The following TMCC2 variants were observed in gnomAD, a reference collection of about 807,000 sequenced individuals.
The protein encoded by TMCC2 is transmembrane and coiled-coil domains protein 2.
In TMCC2, 16 loss-of-function variants were observed where a neutral mutation model predicts 49.4. That is an observed-to-expected ratio of 0.32 (90% confidence interval 0.22 to 0.49). The LOEUF (loss-of-function observed/expected upper bound fraction) is 0.49, where lower values mean the gene tolerates loss of function less well. Ranked by LOEUF, TMCC2 falls within the 20% of genes least tolerant of loss-of-function variation. The probability of loss-of-function intolerance (pLI) is 0.99; values close to 1 mark genes in which losing one functional copy is unlikely to be tolerated. For synonymous variants in TMCC2, 397 were observed against 434.1 expected (o/e 0.91, Z 1.06); for missense variants, 762 against 989.8 (o/e 0.77, Z 3.09).
At chr1:205,265,053 A>G (rs961476407) in intron 2 of TMCC2, among the ~76,000 whole-genome samples, 1 of 152,224 alleles carries the variant, frequency 6.6e-6, no homozygotes, top group Non-Finnish European at 1.5e-5. Context: ...GACCCGCTCA[A>G]TCCAGGCATT....
intron 1 of TMCC2, among the ~76,000 whole-genome samples, chr1:205,235,278 C>T (rs888588584): frequency 9.2e-5 from 14 of 151,722 alleles, no homozygotes; most frequent in African/African-American, 3.2e-4. Context: ...ATGTGGCAAA[C>T]GAAACTCCCT....
intron 2 of TMCC2, among the ~76,000 whole-genome samples, chr1:205,252,012 A>T (rs1472879311): frequency 6.6e-6 from 1 of 152,088 alleles, no homozygotes; most frequent in Non-Finnish European, 1.5e-5. Context: ...CAAAAAGGAG[A>T]TGTGGCTTCC....
At chr1:205,239,340 G>T (rs969958226) in intron 1 of TMCC2, among the ~76,000 whole-genome samples, 1 of 152,142 alleles carries the variant, frequency 6.6e-6, no homozygotes, top group Non-Finnish European at 1.5e-5. Context: ...GTCCTGGCAG[G>T]TCCCTGGTCT....
chr1:205,248,646 C>A (rs74812429), intron 2 of TMCC2, among the ~76,000 whole-genome samples: 1 of 152,074 alleles, frequency 6.6e-6, no homozygotes. Flanking sequence ...ACTGGTTATA[C>A]GTCCAGTGGA....
chr1:205,240,925 G>A (rs11801980), intron 1 of TMCC2, among the ~76,000 whole-genome samples: 10,489 of 152,256 alleles, frequency 0.069, 576 homozygotes, highest in African/African-American at 0.14. Context: ...AGCAAGGTGA[G>A]TTAAGTCCTT....
At chr1:205,260,055 C>G (rs1005181758) in intron 2 of TMCC2, among the ~76,000 whole-genome samples, 5 of 152,212 alleles carry the variant, frequency 3.3e-5, no homozygotes, top group African/African-American at 9.7e-5. Flanking sequence ...AGGGGGCATT[C>G]TGGTGTGGAG....
intron 4 of TMCC2, chr1:205,271,481 A>C: frequency 1.4e-6 from 1 of 714,058 alleles, no homozygotes; most frequent in Non-Finnish European, 2.3e-6. Flanking sequence ...CCCACAGGGC[A>C]GAGGCCACCA....
Position 205,228,549 on chromosome 1 carries a change from C to A in TMCC2, c.-16C>A. The A allele has an allele frequency of 6.3e-7, 1 of 1,583,220 alleles. No individual in the cohort carries two copies. Among genetic ancestry groups the A allele is most frequent in the Admixed American group, 1.7e-5 (1 of 57,492 alleles). ...GCGCTGGAAGGACAGATTCCCCTTG[C>A]CGACCCACATACACCATGAAGAGGT... On this transcript the variant is annotated 5_prime_UTR_variant, in exon 1 of 5. Transcript: ENST00000358024.
At chr1:205,261,852 A>G (rs1661130572) in intron 2 of TMCC2, among the ~76,000 whole-genome samples, 1 of 152,060 alleles carries the variant, frequency 6.6e-6, no homozygotes, top group Admixed American at 6.5e-5. Context: ...CCCAACTCCA[A>G]CTTTAAAGCC....
chr1:205,257,314 G>A, intron 2 of TMCC2: 4 of 1,232,250 alleles, frequency 3.2e-6, no homozygotes, highest in Non-Finnish European at 4.0e-6. Flanking sequence ...TGGGGCCTCA[G>A]AGCCCCGGGT....
At chr1:205,246,696 G>T in intron 2 of TMCC2, 1 of 1,550,032 alleles carries the variant, frequency 6.5e-7, no homozygotes, top group Non-Finnish European at 8.7e-7. Context: ...TCATGGGTGA[G>T]TCAATGAATA....
rs969518298 is a variant in TMCC2, at chr1:205,239,836, G to A, written c.208-1669G>A. Among the ~76,000 whole-genome samples, 8 of 152,134 alleles carry A rather than the reference G, an allele frequency of 5.3e-5. No individual in the cohort carries two copies. The East Asian group carries it at 1.3e-3, about 26-fold the overall frequency. On this transcript the variant is annotated intron_variant, in intron 1 of 4. Coordinates refer to ENST00000358024, the MANE Select transcript of TMCC2 (RefSeq NM_014858.4). ...ACAGTTATTGTATCCAGCTGTAAGC[G>A]CAGCCATCTGCACAAACTCAAGGCT...
chr1:205,239,835 C>T (rs370837821), intron 1 of TMCC2, among the ~76,000 whole-genome samples: 41 of 152,234 alleles, frequency 2.7e-4, no homozygotes, highest in Admixed American at 1.6e-3. Flanking sequence ...CAGCTGTAAG[C>T]GCAGCCATCT....
chr1:205,269,727 C>G lies in TMCC2; in HGVS notation c.1525C>G (p.Leu509Val), dbSNP rs1661504073. The change falls in exon 3 of 5, where the codon CTG becomes GTG. Residue 509 changes from leucine (L) to valine (V), a missense_variant. Physicochemically the swap from Leu to Val is conservative, Grantham distance 32 (BLOSUM62 1). Transcript: ENST00000358024. ...GALGSPKSNA[L>V]YGAPGNLDAL... The stretch of plus-strand genomic sequence containing the variant: ...GCTGGGGAGCCCTAAGTCCAATGCA[C>G]TGTATGGTGCTCCTGGAAACCTGGA... The G allele has an allele frequency of 6.2e-7, 1 of 1,614,088 alleles. No individual in the cohort carries two copies. The highest frequency in any genetic ancestry group is 1.1e-5 in the South Asian group (1 of 91,096).
intron 1 of TMCC2, among the ~76,000 whole-genome samples, chr1:205,231,044 T>C (rs907079392): frequency 8.3e-6 from 1 of 121,006 alleles, no homozygotes; most frequent in African/African-American, 3.2e-5. Flanking sequence ...CCCAGCAATG[T>C]GGACCCAGTA....
At chr1:205,233,475 A>G (rs892814188) in intron 1 of TMCC2, among the ~76,000 whole-genome samples, 1 of 152,128 alleles carries the variant, frequency 6.6e-6, no homozygotes, top group Admixed American at 6.5e-5. Context: ...GAAAGTCACA[A>G]CTGAGTCCTG....
rs1042929005 is a variant in TMCC2, at chr1:205,272,543, A to G, written c.*419A>G. On this transcript the variant is annotated 3_prime_UTR_variant, in exon 5 of 5. Coordinates refer to ENST00000358024, the MANE Select transcript of TMCC2 (RefSeq NM_014858.4). ...ATAGCTACGGTTTTCTCTGGTGGAGATGGTGAGGATGAAGGCTGGAGAGTG... is the reference window on the plus strand; with the variant it reads ...ATAGCTACGGTTTTCTCTGGTGGAGGTGGTGAGGATGAAGGCTGGAGAGTG... The G allele has an allele frequency of 2.1e-5, 4 of 194,882 alleles. No individual in the cohort carries two copies. Among genetic ancestry groups the G allele is most frequent in the Non-Finnish European group, 4.2e-5 (4 of 94,294 alleles). 12.1% of individuals were successfully genotyped at this position (194,882 alleles called of 1,614,324 possible).
rs1661033182 is a variant in TMCC2, at chr1:205,259,855, G to C, written c.748-9095G>C. Among the ~76,000 whole-genome samples the C allele has an allele frequency of 2.0e-5, 3 of 152,358 alleles. No homozygotes were observed. The South Asian group carries it at 6.2e-4, about 32-fold the overall frequency. On this transcript the variant is annotated intron_variant, in intron 2 of 4. Coordinates refer to ENST00000358024, the MANE Select transcript of TMCC2 (RefSeq NM_014858.4). ...GGGGTGCCACCAAGGCCATGTGGAGGGGAGCCCCCAGGTGTGCGTGGGCTG... is the reference window on the plus strand; with the variant it reads ...GGGGTGCCACCAAGGCCATGTGGAGCGGAGCCCCCAGGTGTGCGTGGGCTG...
chr1:205,247,010 T>G (rs962395258), intron 2 of TMCC2, among the ~76,000 whole-genome samples: 1 of 152,150 alleles, frequency 6.6e-6, no homozygotes, highest in Non-Finnish European at 1.5e-5. Flanking sequence ...GAGGAACTCT[T>G]TTTTTGCTGC....
Sources: gnomAD v4.1 joint callset for allele counts (sites outside exome capture counted in the v4.1 genomes callset) on GRCh38, gnomAD v4.1.1 for gene constraint, MANE v1.5 for transcripts, NCBI Gene and HGNC (gene_info 2026-07-23, HGNC 2026-07-21) for gene names.